The following SGK1 variants were observed in gnomAD, a reference collection of about 807,000 sequenced individuals.
SGK1 encodes serum/glucocorticoid regulated kinase 1.
In SGK1, 26 loss-of-function variants were observed where a neutral mutation model predicts 64.2. That is an observed-to-expected ratio of 0.40 (90% confidence interval 0.30 to 0.56). The LOEUF is 0.56. SGK1 is among the 20% of genes least tolerant of loss of function. The pLI is 0.38. For synonymous variants in SGK1, 265 were observed against 239.7 expected (o/e 1.11, Z -0.98); for missense variants, 519 against 645.6 (o/e 0.80, Z 2.12).
chr6:134,207,706 C>T (rs1014860586), intron 2 of SGK1, among the ~76,000 whole-genome samples: 4 of 152,172 alleles, frequency 2.6e-5, no homozygotes, highest in Non-Finnish European at 4.4e-5. Context: ...AGCACATGGG[C>T]GCTGGAGCTC....
At chr6:134,175,023 G>A (rs1775179998) in intron 3 of SGK1, 2 of 920,062 alleles carry the variant, frequency 2.2e-6, no homozygotes, top group African/African-American at 3.5e-5. Flanking sequence ...GGGCGGTTCT[G>A]TCCCCATTGA....
chr6:134,195,788 T>C (rs1175057103), intron 3 of SGK1, among the ~76,000 whole-genome samples: 1 of 152,202 alleles, frequency 6.6e-6, no homozygotes, highest in Non-Finnish European at 1.5e-5. Flanking sequence ...AGGAAGCTTA[T>C]CAGTTTTGTG....
At chr6:134,232,937 A>G (rs940299513) in intron 2 of SGK1, among the ~76,000 whole-genome samples, 3 of 151,996 alleles carry the variant, frequency 2.0e-5, no homozygotes, top group Non-Finnish European at 2.9e-5. Context: ...ATGTAGTGGG[A>G]GTACGGATGC....
chr6:134,243,166 CAAT>C (rs1383303046), intron 2 of SGK1, among the ~76,000 whole-genome samples: 1 of 151,968 alleles, frequency 6.6e-6, no homozygotes, highest in East Asian at 1.9e-4. Context: ...AATATAGAAT[CAAT>C]GATAATGAAT....
intron 1 of SGK1, among the ~76,000 whole-genome samples, chr6:134,307,229 G>T (rs181991749): frequency 5.6e-4 from 86 of 152,324 alleles, no homozygotes; most frequent in African/African-American, 1.3e-3. Flanking sequence ...CGTAGAGAAG[G>T]TGTGGGCCCT....
intron 2 of SGK1, among the ~76,000 whole-genome samples, chr6:134,216,674 C>A (rs1194385935): frequency 6.6e-6 from 1 of 152,160 alleles, no homozygotes; most frequent in Non-Finnish European, 1.5e-5. Flanking sequence ...AGATCTGGAA[C>A]CCGATATCAT....
At chr6:134,189,270 A>T (rs1380946267) in intron 3 of SGK1, among the ~76,000 whole-genome samples, 1 of 151,870 alleles carries the variant, frequency 6.6e-6, no homozygotes, top group Non-Finnish European at 1.5e-5. Flanking sequence ...ATACACATAT[A>T]TTTTTGTGTG....
At chr6:134,177,848 C>T (rs539691787) in intron 3 of SGK1, 13 of 1,600,034 alleles carry the variant, frequency 8.1e-6, no homozygotes, top group Non-Finnish European at 1.1e-5. Flanking sequence ...AGACGGCTAT[C>T]CCTGTTCTGT....
chr6:134,174,938 G>A lies in SGK1; in HGVS notation c.362-352C>T, dbSNP rs536530397. On this transcript the variant is annotated intron_variant, in intron 3 of 13. Coordinates refer to ENST00000367858, the MANE Select transcript of SGK1 (RefSeq NM_001143676.3). Reference sequence around the variant, plus strand: ...CGGGGCCTGCGCGACAGTGAGAAGTGGCCCCGCCCTTCGCCTCGCCCCTCG... The same window carrying A: ...CGGGGCCTGCGCGACAGTGAGAAGTAGCCCCGCCCTTCGCCTCGCCCCTCG... 316 of 1,483,886 alleles carry A rather than the reference G, an allele frequency of 2.1e-4. No homozygotes were observed. In the African/African-American group the frequency reaches 3.9e-3, roughly 18 times the overall value. 91.9% of individuals were successfully genotyped at this position (1,483,886 alleles called of 1,614,324 possible).
rs76489875 is a variant in SGK1 at position 134,186,823 on chromosome 6, G to T, written c.362-12237C>A. The stretch of plus-strand genomic sequence containing the variant: ...ACATACACTTCTGGGTTTTTTTTTT[G>T]GTTTTTTTTTTGAGACGCAGTCTCA... On this transcript the variant is annotated intron_variant, in intron 3 of 13. Coordinates refer to ENST00000367858, the MANE Select transcript of SGK1 (RefSeq NM_001143676.3). Among the ~76,000 whole-genome samples the T allele has an allele frequency of 8.0e-3, 1,196 of 150,438 alleles. 16 individuals are homozygous for T. Among genetic ancestry groups the T allele is most frequent in the African/African-American group, 0.027 (1,102 of 40,926 alleles).
intron 1 of SGK1, among the ~76,000 whole-genome samples, chr6:134,313,158 T>G (rs1277700341): frequency 6.6e-6 from 1 of 152,202 alleles, no homozygotes; most frequent in African/African-American, 2.4e-5. Flanking sequence ...TCATAGTTAT[T>G]AGAAAAGCTA....
Position 134,292,590 on chromosome 6 carries a change from C to CA in SGK1, c.69+24801dup, listed in dbSNP as rs1053304427. On this transcript the variant is annotated intron_variant, in intron 1 of 13. Coordinates refer to ENST00000367858, the MANE Select transcript of SGK1 (RefSeq NM_001143676.3). Reference sequence around the variant, plus strand: ...CCTGGGTGACAAAGTGAGACTGTCTCAAAAAAAAAGAAAATGAAGCCCAGG... The same window carrying CA: ...CCTGGGTGACAAAGTGAGACTGTCTCAAAAAAAAAAGAAAATGAAGCCCAGG... 1.4e-4 allele frequency among the ~76,000 whole-genome samples: 21 copies of CA among 146,656 alleles called. No individual in the cohort carries two copies. The East Asian group carries it at 1.6e-3, about 11-fold the overall frequency.
At chr6:134,304,480 C>T (rs1460984306) in intron 1 of SGK1, among the ~76,000 whole-genome samples, 2 of 152,086 alleles carry the variant, frequency 1.3e-5, no homozygotes, top group African/African-American at 2.4e-5. Context: ...GGTGAAACCA[C>T]GTCTCTACTA....
At chr6:134,175,476 G>A in intron 3 of SGK1, 4 of 1,338,356 alleles carry the variant, frequency 3.0e-6, no homozygotes, top group Middle Eastern at 2.3e-4. Context: ...GACGAAAGCC[G>A]GCCCCTGCCT....
chr6:134,246,501 G>A (rs993095379), intron 2 of SGK1, among the ~76,000 whole-genome samples: 1 of 152,020 alleles, frequency 6.6e-6, no homozygotes, highest in African/African-American at 2.4e-5. Flanking sequence ...GTGAAGATGG[G>A]GGAGGACAGA....
intron 2 of SGK1, among the ~76,000 whole-genome samples, chr6:134,232,277 C>A (rs1488077461): frequency 6.6e-6 from 1 of 150,734 alleles, no homozygotes; most frequent in Admixed American, 6.6e-5. Flanking sequence ...CCCAGCTATT[C>A]GGGAGGTTGA....
chr6:134,174,888 T>C (rs1775171184), intron 3 of SGK1: 1 of 1,591,874 alleles, frequency 6.3e-7, no homozygotes. Context: ...CGCTCGGCCT[T>C]ATAAAAAAGG....
chr6:134,294,775 C>T (rs942475859), intron 1 of SGK1, among the ~76,000 whole-genome samples: 16 of 152,040 alleles, frequency 1.1e-4, no homozygotes, highest in Non-Finnish European at 7.4e-5. Flanking sequence ...TGATCCTCCC[C>T]CCTTGGCCTC....
At chr6:134,217,311 G>A (rs375283980) in intron 2 of SGK1, among the ~76,000 whole-genome samples, 14 of 152,264 alleles carry the variant, frequency 9.2e-5, no homozygotes, top group African/African-American at 3.1e-4. Flanking sequence ...AGCTGTCCAC[G>A]AGCTCCAGCA....
Sources: allele counts gnomAD v4.1 joint callset (sites outside exome capture counted in the v4.1 genomes callset), GRCh38; gene constraint gnomAD v4.1.1; transcripts MANE v1.5; gene names NCBI Gene and HGNC (gene_info 2026-07-23, HGNC 2026-07-21).